Variants in PCNX2 observed in about 807,000 individuals in gnomAD.
The protein encoded by PCNX2 is pecanex-like protein 2.
Under a neutral mutation model 223.8 loss-of-function variants are expected in PCNX2, and 168 were observed. The observed-to-expected ratio is 0.75, with a 90% confidence interval of 0.66 to 0.85. The LOEUF is 0.85. PCNX2 is among the 40% of genes least tolerant of loss of function. PCNX2 has a pLI of 0.00. For synonymous variants in PCNX2, 1,006 were observed against 1,052.6 expected, an observed-to-expected ratio of 0.96 and a Z score of 0.86; for missense variants, 2,507 against 2,675.5, an observed-to-expected ratio of 0.94 and a Z score of 1.39.
intron 1 of PCNX2, among the ~76,000 whole-genome samples, chr1:233,268,377 C>T (rs1433635137): frequency 1.3e-5 from 2 of 152,126 alleles, no homozygotes; most frequent in Non-Finnish European, 1.5e-5. Context: ...TAAGTAATGC[C>T]CATGCCCAGT....
rs376836884 is a variant in PCNX2, at chr1:233,252,672, C to A, written c.1951G>T (p.Ala651Ser). The A allele has an allele frequency of 1.2e-6, 2 of 1,613,564 alleles. No homozygotes were observed. The highest frequency in any genetic ancestry group is 2.7e-5 in the African/African-American group (2 of 75,014). ...QSQDHTSTGPACTQPAKTTAF... is the reference protein window; with the variant it reads ...QSQDHTSTGPSCTQPAKTTAF... Reference sequence around the variant, plus strand: ...GTGGTCTTGGCAGGCTGAGTGCATGCGGGGCCGGTGCTAGTATGGTCTTGA... The same window carrying A: ...GTGGTCTTGGCAGGCTGAGTGCATGAGGGGCCGGTGCTAGTATGGTCTTGA... The change falls in exon 6 of 34, where the codon GCA (alanine) becomes TCA (serine). Residue 651 changes from alanine (A) to serine (S), a missense_variant. By Grantham distance (99) the Ala-to-Ser change is moderately conservative. Coordinates refer to ENST00000258229, the MANE Select transcript of PCNX2 (RefSeq NM_014801.4).
intron 25 of PCNX2, among the ~76,000 whole-genome samples, chr1:233,034,154 A>T (rs1024817798): frequency 6.6e-6 from 1 of 152,102 alleles, no homozygotes. Context: ...GGAGGTTGCA[A>T]TGAGCCGAGA....
At chr1:233,306,521 T>C in the PCNX2 span, among the ~76,000 whole-genome samples, 2 of 152,174 alleles carry the variant, frequency 1.3e-5, no homozygotes, top group Non-Finnish European at 2.9e-5. Flanking sequence ...TCAATCTATC[T>C]GGGGAAAGCA....
the PCNX2 span, among the ~76,000 whole-genome samples, chr1:233,309,817 G>T: frequency 3.3e-5 from 5 of 152,078 alleles, no homozygotes; most frequent in East Asian, 9.7e-4. Context: ...GGCGGTTGTT[G>T]CAGTGAGCTG....
chr1:233,256,651 G>A (rs1026968320), intron 5 of PCNX2, among the ~76,000 whole-genome samples: 1 of 152,112 alleles, frequency 6.6e-6, no homozygotes, highest in Non-Finnish European at 1.5e-5. Flanking sequence ...CTACCATATT[G>A]GACTGCAGAT....
chr1:233,196,897 C>G (rs536799182), intron 15 of PCNX2, among the ~76,000 whole-genome samples: 2 of 152,252 alleles, frequency 1.3e-5, no homozygotes, highest in Non-Finnish European at 2.9e-5. Context: ...AGGGGACTGA[C>G]TGCAAGTGAA....
intron 1 of PCNX2, among the ~76,000 whole-genome samples, chr1:233,276,195 AT>A: frequency 1.3e-5 from 2 of 152,362 alleles, no homozygotes; most frequent in Admixed American, 6.5e-5. Context: ...TGAGGATGTT[AT>A]ATTAAGTCAA....
upstream of PCNX2, among the ~76,000 whole-genome samples, chr1:233,297,969 C>CT (rs1662200934): frequency 6.6e-6 from 1 of 152,164 alleles, no homozygotes; most frequent in Non-Finnish European, 1.5e-5. Context: ...TACTGTAAAA[C>CT]TAATCCATTT....
At chr1:233,289,994 A>C (rs1000260576) in intron 1 of PCNX2, among the ~76,000 whole-genome samples, 1 of 152,124 alleles carries the variant, frequency 6.6e-6, no homozygotes, top group Non-Finnish European at 1.5e-5. Flanking sequence ...ATATGTTAAA[A>C]GTAGGAGAGG....
chr1:233,299,879 T>A (rs770334418), upstream of PCNX2, among the ~76,000 whole-genome samples: 11 of 152,124 alleles, frequency 7.2e-5, no homozygotes, highest in Non-Finnish European at 1.6e-4. Flanking sequence ...AAAATAAAAA[T>A]CCAACCTGAT....
chr1:233,018,680 CG>C, intron 26 of PCNX2: 3 of 832,990 alleles, frequency 3.6e-6, no homozygotes, highest in Non-Finnish European at 4.3e-6. Flanking sequence ...CAGCGTGCAC[CG>C]CAGTTCCATT....
At chr1:233,197,393 C>T (rs1680798852) in intron 15 of PCNX2, among the ~76,000 whole-genome samples, 1 of 152,100 alleles carries the variant, frequency 6.6e-6, no homozygotes, top group African/African-American at 2.4e-5. Context: ...GAAAGATGTT[C>T]TCAGAAGTAC....
intron 1 of PCNX2, among the ~76,000 whole-genome samples, chr1:233,294,557 T>G (rs543837931): frequency 1.3e-5 from 2 of 152,326 alleles, no homozygotes; most frequent in African/African-American, 4.8e-5. Context: ...CCAACCGACA[T>G]ACCAAAATTA....
chr1:233,192,257 A>C (rs892720092), intron 15 of PCNX2, among the ~76,000 whole-genome samples: 2 of 152,206 alleles, frequency 1.3e-5, no homozygotes, highest in Admixed American at 1.3e-4. Context: ...ATAGGACATG[A>C]TGAGACCTGT....
rs779644699 is a variant in PCNX2 at position 232,999,191 on chromosome 1, T to C, written c.5517A>G (p.Leu1839=). 1.9e-6 allele frequency: 3 copies of C among 1,613,740 alleles called. No homozygotes were observed. The highest frequency in any genetic ancestry group is 1.1e-5 in the South Asian group (1 of 91,064). The change falls in exon 31 of 34, where the codon CTA becomes CTG. Residue 1839 remains leucine, a synonymous_variant. Transcript: ENST00000258229. ...TGTTCTTCAGCTGCCTGTGTGTCCC[T>C]AGGTAGGATGTGGTTAGTGGGGAGA... ...MYVSPLTTSY[L]GTHRQLKNIW... is the part of the protein sequence containing the mutation.
chr1:233,116,945 G>A (rs1279793973), intron 21 of PCNX2, among the ~76,000 whole-genome samples: 2 of 152,128 alleles, frequency 1.3e-5, no homozygotes, highest in African/African-American at 4.8e-5. Flanking sequence ...GAGTGAAGCA[G>A]GAGGTATCAC....
At chr1:233,200,083 G>T in intron 14 of PCNX2, 71 bp downstream of exon 14, 1 of 1,227,608 alleles carries the variant, frequency 8.1e-7, no homozygotes, top group Non-Finnish European at 1.1e-6. Context: ...CTCATCTCCT[G>T]CCTAAGGCTA....
chr1:233,144,063 C>A (rs1571960064), intron 19 of PCNX2, among the ~76,000 whole-genome samples: 1 of 152,016 alleles, frequency 6.6e-6, no homozygotes, highest in Non-Finnish European at 1.5e-5. Context: ...TGCTTGTAGT[C>A]CCAGCTACTT....
At chr1:233,191,256 T>G (rs185503408) in intron 15 of PCNX2, among the ~76,000 whole-genome samples, 5 of 152,318 alleles carry the variant, frequency 3.3e-5, no homozygotes, top group African/African-American at 1.2e-4. Context: ...CCCATATCTT[T>G]ACAGTACCCA....
Sources: allele counts gnomAD v4.1 joint callset (sites outside exome capture counted in the v4.1 genomes callset), GRCh38; gene constraint gnomAD v4.1.1; transcripts MANE v1.5; gene names NCBI Gene and HGNC (gene_info 2026-07-23, HGNC 2026-07-21).